Variants in CCDC170 observed in about 807,000 individuals in gnomAD.
CCDC170 encodes the protein coiled-coil domain-containing protein 170.
In CCDC170, 69 loss-of-function variants were observed where a neutral mutation model predicts 72.6. That is an observed-to-expected ratio of 0.95 (90% CI 0.78 to 1.16). The LOEUF is 1.16. Ranked by LOEUF, CCDC170 falls within the 50% of genes most tolerant of loss-of-function variation. The pLI, the probability that CCDC170 is intolerant of heterozygous loss-of-function variation, is 0.00. For synonymous variants in CCDC170, 300 were observed against 303.9 expected (o/e 0.99, Z 0.13); for missense variants, 852 against 832.5 (o/e 1.02, Z -0.29).
intron 1 of CCDC170, among the ~76,000 whole-genome samples, chr6:151,522,033 G>T (rs1019863205): frequency 1.3e-5 from 2 of 150,642 alleles, no homozygotes; most frequent in Non-Finnish European, 2.9e-5. Flanking sequence ...GTTGGCATGT[G>T]CCTGTCATCC....
At chr6:151,522,327 T>C (rs773216029) in intron 1 of CCDC170, among the ~76,000 whole-genome samples, 2 of 152,362 alleles carry the variant, frequency 1.3e-5, no homozygotes, top group East Asian at 1.9e-4. Context: ...TTGTTAGATA[T>C]GAGTTCTCAA....
At chr6:151,573,532 T>C in intron 6 of CCDC170, 41 bp downstream of exon 6, 1 of 1,563,408 alleles carries the variant, frequency 6.4e-7, no homozygotes, top group Non-Finnish European at 8.7e-7. Flanking sequence ...TTAAGAACAG[T>C]GAGCTCATTC....
intron 1 of CCDC170, among the ~76,000 whole-genome samples, chr6:151,512,149 A>G (rs937468312): frequency 7.0e-6 from 1 of 143,422 alleles, no homozygotes; most frequent in African/African-American, 2.6e-5. Flanking sequence ...CCAGCAGTAT[A>G]CCGTTTTTTT....
chr6:151,587,948 C>A (rs1776478592), intron 7 of CCDC170, among the ~76,000 whole-genome samples: 1 of 151,898 alleles, frequency 6.6e-6, no homozygotes, highest in Non-Finnish European at 1.5e-5. Flanking sequence ...GAATTTGAGG[C>A]AGAAAGAATA....
chr6:151,499,138 G>T (rs1439724105), intron 1 of CCDC170, among the ~76,000 whole-genome samples: 1 of 129,786 alleles, frequency 7.7e-6, no homozygotes, highest in Non-Finnish European at 1.6e-5. Flanking sequence ...TACTGTATTT[G>T]ACTATTCTAG....
intron 9 of CCDC170, among the ~76,000 whole-genome samples, chr6:151,609,326 TG>T (rs922482935): frequency 2.6e-5 from 4 of 152,176 alleles, no homozygotes; most frequent in Non-Finnish European, 5.9e-5. Flanking sequence ...TCAGAGAGCC[TG>T]AGTTCACTTC....
chr6:151,542,330 C>T (rs1287430355), intron 3 of CCDC170, among the ~76,000 whole-genome samples: 1 of 152,184 alleles, frequency 6.6e-6, no homozygotes, highest in Non-Finnish European at 1.5e-5. Flanking sequence ...AAGCAATCCT[C>T]CCACCTTAGC....
chr6:151,506,718 T>G (rs1415436019), intron 1 of CCDC170, among the ~76,000 whole-genome samples: 2 of 152,222 alleles, frequency 1.3e-5, no homozygotes, highest in East Asian at 3.8e-4. Flanking sequence ...TTTTTGGTTT[T>G]GTTTGTTTGT....
chr6:151,542,375 T>C (rs1782705037), intron 3 of CCDC170, among the ~76,000 whole-genome samples: 1 of 152,098 alleles, frequency 6.6e-6, no homozygotes, highest in African/African-American at 2.4e-5. Context: ...TGCATGCCAC[T>C]ACACCCAGCT....
intron 10 of CCDC170, 82 bp from the exon 11 acceptor site, chr6:151,617,865 G>C: frequency 7.2e-7 from 1 of 1,396,276 alleles, no homozygotes; most frequent in Non-Finnish European, 9.8e-7. Context: ...TTTTCTACAG[G>C]TTTTTTGTTT....
chr6:151,507,899 A>G (rs1225372922), intron 1 of CCDC170, among the ~76,000 whole-genome samples: 1 of 151,290 alleles, frequency 6.6e-6, no homozygotes, highest in Non-Finnish European at 1.5e-5. Flanking sequence ...CCAGCCTGAT[A>G]ACAGAGTGAG....
intron 1 of CCDC170, among the ~76,000 whole-genome samples, chr6:151,499,953 A>C (rs1781970549): frequency 6.6e-6 from 1 of 152,156 alleles, no homozygotes; most frequent in South Asian, 2.1e-4. Flanking sequence ...ATTTTGAGGG[A>C]TATATACCCG....
intron 5 of CCDC170, among the ~76,000 whole-genome samples, chr6:151,568,119 A>AAC (rs1032217794): frequency 6.6e-6 from 1 of 151,166 alleles, no homozygotes; most frequent in Non-Finnish European, 1.5e-5. Context: ...AAAAAAAAAA[A>AAC]AAAAAAAAAA....
At chr6:151,608,269 C>T (rs773234162) in intron 9 of CCDC170, among the ~76,000 whole-genome samples, 2 of 151,778 alleles carry the variant, frequency 1.3e-5, no homozygotes, top group Non-Finnish European at 2.9e-5. Flanking sequence ...CATTGAGTTT[C>T]CTTAAGATCA....
At chr6:151,576,407 T>A (rs1776304970) in intron 6 of CCDC170, among the ~76,000 whole-genome samples, 1 of 144,992 alleles carries the variant, frequency 6.9e-6, no homozygotes, top group African/African-American at 2.6e-5. Flanking sequence ...AATAGCTAAT[T>A]TTTTTTTTTT....
intron 5 of CCDC170, among the ~76,000 whole-genome samples, chr6:151,569,510 C>G (rs539410859): frequency 1.3e-5 from 2 of 152,356 alleles, no homozygotes; most frequent in African/African-American, 4.8e-5. Context: ...GGCCTGCCCT[C>G]TGTGATTTCC....
At chr6:151,575,015 C>T (rs1054109457) in intron 6 of CCDC170, among the ~76,000 whole-genome samples, 4 of 152,098 alleles carry the variant, frequency 2.6e-5, no homozygotes, top group Admixed American at 1.3e-4. Flanking sequence ...ATGATTGAGG[C>T]TTGTTTAACT....
Position 151,618,271 on chromosome 6 carries a change from A to T in CCDC170, c.*124A>T, listed in dbSNP as rs1019162092. 3 of 825,846 alleles carry T rather than the reference A, an allele frequency of 3.6e-6. No homozygotes were observed. The highest frequency in any genetic ancestry group is 5.6e-6 in the Non-Finnish European group (3 of 534,538). The allele number at this position is 825,846 out of a possible 1,614,324, so 51.2% of individuals were successfully genotyped here. A position where few individuals can be genotyped will look rare whatever the true frequency, so the allele number is the denominator to read the frequency against. On this transcript the variant is annotated 3_prime_UTR_variant, in exon 11 of 11. Transcript: ENST00000239374. ...TTTTATGCTTTGATGATATAGTGAG[A>T]ATGCATCACTTGCAAAAACGATCTC...
chr6:151,510,684 G>T (rs1317905532), intron 1 of CCDC170, among the ~76,000 whole-genome samples: 1 of 152,008 alleles, frequency 6.6e-6, no homozygotes, highest in Non-Finnish European at 1.5e-5. Context: ...TAGATAGAAA[G>T]GGACTTTCAC....
Sources: allele counts gnomAD v4.1 joint callset (sites outside exome capture counted in the v4.1 genomes callset), GRCh38; gene constraint gnomAD v4.1.1; transcripts MANE v1.5; gene names NCBI Gene and HGNC (gene_info 2026-07-23, HGNC 2026-07-21).